Variants in CTNND2 observed in about 807,000 individuals in gnomAD.
CTNND2 encodes the protein catenin delta-2.
In CTNND2, 22 loss-of-function variants were observed where a neutral mutation model predicts 144.4. The observed-to-expected ratio is 0.15, with a 90% confidence interval of 0.11 to 0.22. CTNND2 has a LOEUF of 0.22. Among genes scored for constraint, CTNND2 ranks in the 10% least tolerant of loss-of-function variants. The pLI, the probability that CTNND2 is intolerant of heterozygous loss-of-function variation, is 1.00. For synonymous variants in CTNND2, 751 were observed against 695.6 expected (o/e 1.08, Z -1.25); for missense variants, 1,353 against 1,618.8 (o/e 0.84, Z 2.82).
intron 1 of CTNND2, among the ~76,000 whole-genome samples, chr5:11,877,637 A>G (rs1044354012): frequency 1.3e-5 from 2 of 152,142 alleles, no homozygotes; most frequent in African/African-American, 4.8e-5. Flanking sequence ...ATTTCATATT[A>G]CTGCCTAATT....
chr5:11,007,797 G>T (rs1740642906), intron 18 of CTNND2, among the ~76,000 whole-genome samples: 1 of 152,230 alleles, frequency 6.6e-6, no homozygotes, highest in African/African-American at 2.4e-5. Context: ...AAGGAGCATT[G>T]GTGCTGTTGC....
chr5:11,011,420 T>C (rs1741067600), intron 18 of CTNND2, among the ~76,000 whole-genome samples: 1 of 152,108 alleles, frequency 6.6e-6, no homozygotes, highest in African/African-American at 2.4e-5. Context: ...TTTTACCATG[T>C]TGGCCAGGCT....
At chr5:11,618,042 C>T (rs1780660703) in intron 2 of CTNND2, among the ~76,000 whole-genome samples, 1 of 151,862 alleles carries the variant, frequency 6.6e-6, no homozygotes, top group Admixed American at 6.6e-5. Flanking sequence ...AACAACATGC[C>T]CTATACCTTC....
At chr5:11,480,408 C>G (rs145114670) in intron 3 of CTNND2, among the ~76,000 whole-genome samples, 2 of 152,302 alleles carry the variant, frequency 1.3e-5, no homozygotes, top group African/African-American at 4.8e-5. Context: ...AACTGTATAT[C>G]TCCTGTGTGA....
intron 7 of CTNND2, among the ~76,000 whole-genome samples, chr5:11,376,312 T>C (rs1050644693): frequency 8.1e-5 from 1 of 12,332 alleles, no homozygotes; most frequent in African/African-American, 5.6e-4. Flanking sequence ...ATGAATGCCT[T>C]TGTGTGTGTG....
At chr5:11,009,065 A>C (rs771384194) in intron 18 of CTNND2, among the ~76,000 whole-genome samples, 4 of 152,192 alleles carry the variant, frequency 2.6e-5, no homozygotes, top group Non-Finnish European at 4.4e-5. Context: ...GGACTTCCAA[A>C]ATGACAAAAG....
At chr5:11,007,771 G>T (rs1358282833) in intron 18 of CTNND2, among the ~76,000 whole-genome samples, 1 of 152,182 alleles carries the variant, frequency 6.6e-6, no homozygotes, top group Admixed American at 6.5e-5. Context: ...TATAAAAACT[G>T]GGCACAGATA....
intron 11 of CTNND2, among the ~76,000 whole-genome samples, chr5:11,160,645 A>G (rs1460002192): frequency 1.3e-5 from 2 of 152,256 alleles, no homozygotes; most frequent in African/African-American, 4.8e-5. Context: ...TTTCTTTGAA[A>G]GAAAGCCTGT....
At chr5:11,236,113 A>T (rs1196674733) in intron 10 of CTNND2, among the ~76,000 whole-genome samples, 13 of 152,246 alleles carry the variant, frequency 8.5e-5, no homozygotes, top group African/African-American at 3.1e-4. Flanking sequence ...AACACAGAGC[A>T]TGTTAACAGT....
chr5:11,616,699 C>T (rs1780600182), intron 2 of CTNND2, among the ~76,000 whole-genome samples: 1 of 151,916 alleles, frequency 6.6e-6, no homozygotes, highest in Non-Finnish European at 1.5e-5. Flanking sequence ...CTCCACCTCC[C>T]AGGTTCAAGC....
In CTNND2 at chr5:11,036,734, C is replaced by T. The variant is rs372073785; in HGVS notation, c.2789-13755G>A. 2.0e-5 allele frequency among the ~76,000 whole-genome samples: 3 copies of T among 152,340 alleles called. No individual in the cohort carries two copies. The East Asian group carries it at 5.8e-4, about 29-fold the overall frequency. On this transcript the variant is annotated intron_variant, in intron 16 of 21. Transcript: ENST00000304623. ...GAAGTATCTTCTACATCTAAACCAT[C>T]TTTGCGGTTTCTCAGAAAACTTCCG...
intron 12 of CTNND2, among the ~76,000 whole-genome samples, chr5:11,147,104 G>C (rs1757313757): frequency 6.6e-6 from 1 of 152,192 alleles, no homozygotes; most frequent in African/African-American, 2.4e-5. Flanking sequence ...TCTACAAGGT[G>C]CCAGATGTTG....
chr5:11,021,488 G>A (rs2149537294), intron 17 of CTNND2, among the ~76,000 whole-genome samples: 1 of 152,292 alleles, frequency 6.6e-6, no homozygotes, highest in African/African-American at 2.4e-5. Flanking sequence ...ATGGTTTCCT[G>A]CCTACGTAGG....
intron 2 of CTNND2, among the ~76,000 whole-genome samples, chr5:11,722,283 A>T (rs756763005): frequency 6.6e-6 from 1 of 152,196 alleles, no homozygotes; most frequent in Non-Finnish European, 1.5e-5. Flanking sequence ...ATTTTTCAAC[A>T]CAAATCCTCC....
rs757978785 is a variant in CTNND2 at position 11,384,735 on chromosome 5, G to A, written c.1107C>T (p.Ser369=). The change falls in exon 7 of 22, where the codon TCC becomes TCT. Residue 369 remains serine (S), a synonymous_variant. Coordinates refer to ENST00000304623, the MANE Select transcript of CTNND2 (RefSeq NM_001332.4). The surrounding 1 kb of genome is among the most constrained non-coding windows in gnomAD (Gnocchi z 5.2). The part of the protein sequence containing the change: ...LSPTKRLVHA[S]EQYSKHSQEL... The stretch of plus-strand genomic sequence containing the variant: ...CCTGCGAGTGCTTGCTGTACTGCTC[G>A]GACGCGTGGACCAGGCGCTTGGTGG... 1.2e-6 allele frequency: 2 copies of A among 1,612,492 alleles called. No homozygotes were observed. The highest frequency in any genetic ancestry group is 1.1e-5 in the South Asian group (1 of 90,860).
At chr5:11,877,670 G>T (rs1735665136) in intron 1 of CTNND2, among the ~76,000 whole-genome samples, 2 of 151,170 alleles carry the variant, frequency 1.3e-5, no homozygotes, top group Non-Finnish European at 2.9e-5. Flanking sequence ...ATCAAGGTTT[G>T]CAAAAAAAAT....
intron 1 of CTNND2, among the ~76,000 whole-genome samples, chr5:11,884,203 G>C (rs1736345105): frequency 6.6e-6 from 1 of 152,092 alleles, no homozygotes; most frequent in South Asian, 2.1e-4. Context: ...TGTCAATTTT[G>C]GCTTTTGTTG....
intron 1 of CTNND2, among the ~76,000 whole-genome samples, chr5:11,847,000 T>C (rs1794767067): frequency 6.6e-6 from 1 of 151,442 alleles, no homozygotes; most frequent in African/African-American, 2.4e-5. Flanking sequence ...GGAATGTAAA[T>C]TAGTTCAGCT....
chr5:11,092,156 C>T (rs1255872475), intron 15 of CTNND2, among the ~76,000 whole-genome samples: 1 of 152,142 alleles, frequency 6.6e-6, no homozygotes, highest in Non-Finnish European at 1.5e-5. Context: ...GATCATTGTC[C>T]TTTGCTGACT....
Sources: gnomAD v4.1 joint callset for allele counts (sites outside exome capture counted in the v4.1 genomes callset) on GRCh38, gnomAD v4.1.1 for gene constraint, Gnocchi (gnomAD v3.1) non-coding constraint, MANE v1.5 for transcripts, NCBI Gene and HGNC (gene_info 2026-07-23, HGNC 2026-07-21) for gene names.